KCNIP4: variants seen among roughly 807,000 people sequenced by gnomAD.
KCNIP4 encodes the protein potassium voltage-gated channel interacting protein 4, also known as Kv channel-interacting protein 4.
A neutral mutation model predicts 34.0 loss-of-function variants in KCNIP4; 12 were observed. The ratio of observed to expected loss-of-function variants is 0.35; its 90% CI spans 0.23 to 0.57. KCNIP4 has a LOEUF of 0.57. Ranked by LOEUF, KCNIP4 falls within the 20% of genes least tolerant of loss-of-function variation. The pLI is 0.83. For missense variants in KCNIP4, 238 were observed against 311.7 expected, an observed-to-expected ratio of 0.76 and a Z score of 1.78; for synonymous variants, 124 against 102.2, an observed-to-expected ratio of 1.21 and a Z score of -1.29.
At chr4:21,459,058 C>A (rs1219512569) in intron 1 of KCNIP4, among the ~76,000 whole-genome samples, 3 of 151,912 alleles carry the variant, frequency 2.0e-5, no homozygotes, top group Non-Finnish European at 4.4e-5. Flanking sequence ...TATCTTTTAA[C>A]CATCATCATC....
intron 1 of KCNIP4, among the ~76,000 whole-genome samples, chr4:20,944,384 T>A (rs890146700): frequency 6.6e-6 from 1 of 152,144 alleles, no homozygotes; most frequent in African/African-American, 2.4e-5. Context: ...TGAGCCACTA[T>A]CCCTTTCACT....
At chr4:21,134,039 A>G (rs900827027) in intron 1 of KCNIP4, among the ~76,000 whole-genome samples, 4 of 151,744 alleles carry the variant, frequency 2.6e-5, no homozygotes, top group African/African-American at 9.7e-5. Context: ...TTCTTATCTA[A>G]CCCCCCAAAC....
At chr4:21,654,352 G>A (rs537514954) in intron 1 of KCNIP4, among the ~76,000 whole-genome samples, 1 of 152,314 alleles carries the variant, frequency 6.6e-6, no homozygotes, top group African/African-American at 2.4e-5. Context: ...ATTTAGTCAA[G>A]AGGATGCAAT....
intron 1 of KCNIP4, among the ~76,000 whole-genome samples, chr4:21,276,926 C>T (rs916264823): frequency 1.3e-5 from 2 of 152,132 alleles, no homozygotes; most frequent in African/African-American, 2.4e-5. Context: ...CTGTCTGGAA[C>T]ATGAATATGA....
chr4:21,141,408 A>C (rs1751943271), intron 1 of KCNIP4, among the ~76,000 whole-genome samples: 1 of 152,224 alleles, frequency 6.6e-6, no homozygotes, highest in Non-Finnish European at 1.5e-5. Context: ...AAGATAAAAA[A>C]AAACTTATAG....
intron 1 of KCNIP4, among the ~76,000 whole-genome samples, chr4:21,928,108 C>CTATA (rs144162392): frequency 0.13 from 18,977 of 142,314 alleles, 1,569 homozygotes; most frequent in South Asian, 0.26. Context: ...CCAGATTAGA[C>CTATA]TATATATATA....
chr4:21,438,288 G>T (rs756865200), intron 1 of KCNIP4, among the ~76,000 whole-genome samples: 1 of 152,138 alleles, frequency 6.6e-6, no homozygotes, highest in Non-Finnish European at 1.5e-5. Context: ...TTCTTAATGC[G>T]ATTTTTAAGC....
intron 3 of KCNIP4, among the ~76,000 whole-genome samples, chr4:20,788,241 T>C (rs1388589639): frequency 2.0e-5 from 3 of 152,190 alleles, no homozygotes; most frequent in African/African-American, 7.2e-5. Flanking sequence ...AAGGAACAGA[T>C]GTTCAGATAA....
chr4:21,888,437 A>T (rs1378902213), intron 1 of KCNIP4, among the ~76,000 whole-genome samples: 1 of 152,116 alleles, frequency 6.6e-6, no homozygotes, highest in African/African-American at 2.4e-5. Flanking sequence ...GCAATAAAAA[A>T]TGAGTCAAAA....
At chr4:21,541,291 G>A (rs1161091596) in intron 1 of KCNIP4, among the ~76,000 whole-genome samples, 1 of 151,932 alleles carries the variant, frequency 6.6e-6, no homozygotes, top group Non-Finnish European at 1.5e-5. Flanking sequence ...ACTGCAGTCT[G>A]ATAAAATTCC....
chr4:21,282,541 T>G (rs1762844159), intron 1 of KCNIP4, among the ~76,000 whole-genome samples: 1 of 152,038 alleles, frequency 6.6e-6, no homozygotes, highest in East Asian at 1.9e-4. Context: ...TTTTTAAAAT[T>G]GGTATCTTTA....
intron 1 of KCNIP4, among the ~76,000 whole-genome samples, chr4:21,873,857 T>A (rs571330901): frequency 6.6e-6 from 1 of 152,332 alleles, no homozygotes; most frequent in South Asian, 2.1e-4. Context: ...ACAGAGGGCA[T>A]TTATCTTTGA....
intron 1 of KCNIP4, among the ~76,000 whole-genome samples, chr4:21,270,985 CCAAA>C (rs1762110216): frequency 6.8e-5 from 9 of 132,372 alleles, no homozygotes; most frequent in African/African-American, 1.8e-4. Flanking sequence ...GTCCCTGTCC[CCAAA>C]AAAAAAAAAA....
intron 1 of KCNIP4, among the ~76,000 whole-genome samples, chr4:21,618,900 T>C (rs895941665): frequency 1.3e-5 from 2 of 152,082 alleles, no homozygotes; most frequent in African/African-American, 4.8e-5. Flanking sequence ...CCCAAAGTTC[T>C]GGGATAAGAG....
chr4:21,629,024 C>T (rs1051947832), intron 1 of KCNIP4, among the ~76,000 whole-genome samples: 1 of 152,070 alleles, frequency 6.6e-6, no homozygotes, highest in Non-Finnish European at 1.5e-5. Flanking sequence ...AATAAAATTG[C>T]ATTTTCTCCA....
At chr4:21,306,491 C>T (rs1439410630) in intron 1 of KCNIP4, among the ~76,000 whole-genome samples, 1 of 152,190 alleles carries the variant, frequency 6.6e-6, no homozygotes, top group Non-Finnish European at 1.5e-5. Flanking sequence ...ATCTTCCTGT[C>T]TCAGCCTCCC....
chr4:21,760,910 T>C (rs566349558), intron 1 of KCNIP4, among the ~76,000 whole-genome samples: 2 of 152,208 alleles, frequency 1.3e-5, no homozygotes, highest in Non-Finnish European at 2.9e-5. Flanking sequence ...ATTTAACAGA[T>C]ATTCATTCAC....
chr4:21,503,493 G>T lies in KCNIP4; in HGVS notation c.61+445078C>A, dbSNP rs1344296027. On this transcript the variant is annotated intron_variant, in intron 1 of 8. Transcript: ENST00000382152. Reference sequence around the variant, plus strand: ...TAAGTAACATAACCAGTTATATTTTGCACTAAAAATATCAAGTATGAAGAA... The same window carrying T: ...TAAGTAACATAACCAGTTATATTTTTCACTAAAAATATCAAGTATGAAGAA... 2.6e-5 allele frequency among the ~76,000 whole-genome samples: 4 copies of T among 152,164 alleles called. No individual in the cohort carries two copies. The East Asian group carries it at 5.8e-4, about 22-fold the overall frequency.
intron 1 of KCNIP4, among the ~76,000 whole-genome samples, chr4:21,315,120 C>T (rs1380969996): frequency 6.6e-6 from 1 of 152,130 alleles, no homozygotes; most frequent in African/African-American, 2.4e-5. Context: ...ACCTATACAA[C>T]ACAGATAGTA....
Sources: gnomAD v4.1 joint callset for allele counts (sites outside exome capture counted in the v4.1 genomes callset) on GRCh38, gnomAD v4.1.1 for gene constraint, MANE v1.5 for transcripts, NCBI Gene and HGNC (gene_info 2026-07-23, HGNC 2026-07-21) for gene names.